Variants in BTC observed in about 807,000 individuals in gnomAD.
BTC encodes probetacellulin.
In BTC, 13 loss-of-function variants were observed where a neutral mutation model predicts 18.1. That is an observed-to-expected ratio of 0.72 (90% confidence interval 0.47 to 1.14). The LOEUF (loss-of-function observed/expected upper bound fraction) is 1.14. BTC is among the 50% of genes most tolerant of loss of function. The probability of loss-of-function intolerance (pLI) is 0.00; values close to 1 mark genes in which losing one functional copy is unlikely to be tolerated. For synonymous variants in BTC, 83 were observed against 79.4 expected (o/e 1.05, Z -0.24); for missense variants, 247 against 224.2 (o/e 1.10, Z -0.65).
chr4:74,765,320 G>A (rs1724872311), intron 2 of BTC, among the ~76,000 whole-genome samples: 1 of 151,978 alleles, frequency 6.6e-6, no homozygotes, highest in African/African-American at 2.4e-5. Flanking sequence ...TTTCAAGCTG[G>A]ATAATTCAGT....
intron 2 of BTC, among the ~76,000 whole-genome samples, chr4:74,756,561 T>A (rs993824628): frequency 2.6e-5 from 4 of 152,164 alleles, no homozygotes; most frequent in African/African-American, 9.7e-5. Flanking sequence ...AAACTGGGAC[T>A]CAAACCCAGG....
chr4:74,778,496 T>C (rs1475729091), intron 1 of BTC, among the ~76,000 whole-genome samples: 3 of 152,136 alleles, frequency 2.0e-5, no homozygotes, highest in Non-Finnish European at 4.4e-5. Context: ...TCATGCAGTG[T>C]GTAGTTCCAA....
intron 3 of BTC, among the ~76,000 whole-genome samples, chr4:74,752,262 G>C (rs1553956251): frequency 6.6e-6 from 1 of 152,094 alleles, no homozygotes; most frequent in Non-Finnish European, 1.5e-5. Flanking sequence ...ATTGCTTCCT[G>C]CAAGATAGCT....
chr4:74,788,823 A>G (rs536600528), intron 1 of BTC, among the ~76,000 whole-genome samples: 27 of 152,326 alleles, frequency 1.8e-4, no homozygotes, highest in African/African-American at 6.5e-4. Context: ...ATTTGGCAAA[A>G]CCAGAGTCAG....
At chr4:74,755,747 G>T (rs1291441542) in intron 3 of BTC, 112 bp downstream of exon 3, 2 of 1,006,270 alleles carry the variant, frequency 2.0e-6, no homozygotes, top group East Asian at 2.4e-5. Flanking sequence ...GGACCAGGCA[G>T]AACTGTGTTC....
chr4:74,770,008 TATC>T (rs770908645), intron 2 of BTC, 47 bp downstream of exon 2: 3 of 1,448,068 alleles, frequency 2.1e-6, no homozygotes, highest in Non-Finnish European at 2.9e-6. Flanking sequence ...GTACTATTAT[TATC>T]AGAAAATTAA....
At chr4:74,762,038 T>C (rs1553957389) in intron 2 of BTC, among the ~76,000 whole-genome samples, 1 of 152,192 alleles carries the variant, frequency 6.6e-6, no homozygotes, top group African/African-American at 2.4e-5. Context: ...GCATAGTAGG[T>C]GCTCATAAAT....
chr4:74,749,709 GTT>G (rs1724404447), intron 4 of BTC, among the ~76,000 whole-genome samples: 1 of 50,748 alleles, frequency 2.0e-5, no homozygotes, highest in African/African-American at 7.5e-5. Context: ...TGTTGTTGTT[GTT>G]TTTGGTAGCA....
intron 1 of BTC, among the ~76,000 whole-genome samples, chr4:74,781,689 CTT>C (rs113465251): frequency 6.6e-6 from 1 of 150,632 alleles, no homozygotes; most frequent in Non-Finnish European, 1.5e-5. Flanking sequence ...CTACCTCTGT[CTT>C]TTTTTTTCAC....
chr4:74,770,915 ATGTGTGTG>A (rs61202126), intron 1 of BTC, among the ~76,000 whole-genome samples: 4,961 of 141,940 alleles, frequency 0.035, 103 homozygotes, highest in South Asian at 0.095. Flanking sequence ...TATATCGTGT[ATGTGTGTG>A]TGTGTGTGTG....
At chr4:74,772,764 G>A (rs1725077337) in intron 1 of BTC, among the ~76,000 whole-genome samples, 1 of 152,012 alleles carries the variant, frequency 6.6e-6, no homozygotes, top group African/African-American at 2.4e-5. Flanking sequence ...TTTAAAAAGA[G>A]CACGTGGCTT....
At chr4:74,770,286 C>T in intron 1 of BTC, 130 bp from the exon 2 acceptor site, 3 of 699,702 alleles carry the variant, frequency 4.3e-6, no homozygotes, top group Non-Finnish European at 7.1e-6. Context: ...CCAAGTCACT[C>T]ACTCCCAGGA....
chr4:74,761,830 A>C (rs560306954), intron 2 of BTC, among the ~76,000 whole-genome samples: 3 of 152,282 alleles, frequency 2.0e-5, no homozygotes, highest in Non-Finnish European at 4.4e-5. Context: ...GCCTTTGCCC[A>C]CTTGACTATC....
chr4:74,789,681 T>G (rs1201170754), intron 1 of BTC, among the ~76,000 whole-genome samples: 1 of 152,198 alleles, frequency 6.6e-6, no homozygotes, highest in African/African-American at 2.4e-5. Context: ...CTTTCCTAAA[T>G]TAATGTATTT....
At chr4:74,768,578 G>T (rs1724959601) in intron 2 of BTC, among the ~76,000 whole-genome samples, 1 of 152,142 alleles carries the variant, frequency 6.6e-6, no homozygotes, top group Non-Finnish European at 1.5e-5. Context: ...GAAGCAGATA[G>T]TAGTATGGTG....
At chr4:74,789,901 T>C (rs1012781946) in intron 1 of BTC, among the ~76,000 whole-genome samples, 2 of 152,228 alleles carry the variant, frequency 1.3e-5, no homozygotes, top group African/African-American at 2.4e-5. Context: ...CTGATATCAA[T>C]GCTAGGCAAG....
chr4:74,758,695 G>T (rs1553957005), intron 2 of BTC, among the ~76,000 whole-genome samples: 2 of 152,186 alleles, frequency 1.3e-5, no homozygotes, highest in Non-Finnish European at 1.5e-5. Context: ...GCTGCTGAAT[G>T]CAGTGATTTG....
At chr4:74,772,922 G>A (rs572588092) in intron 1 of BTC, among the ~76,000 whole-genome samples, 1 of 152,162 alleles carries the variant, frequency 6.6e-6, no homozygotes, top group Non-Finnish European at 1.5e-5. Flanking sequence ...ACAGGCTGGG[G>A]GCTATGGCCC....
chr4:74,771,824 G>C (rs749130260), intron 1 of BTC, among the ~76,000 whole-genome samples: 2 of 152,118 alleles, frequency 1.3e-5, no homozygotes, highest in Non-Finnish European at 2.9e-5. Context: ...CATGGCTAAT[G>C]GTTTTTCCTA....
Sources: allele counts gnomAD v4.1 joint callset (sites outside exome capture counted in the v4.1 genomes callset), GRCh38; gene constraint gnomAD v4.1.1; transcripts MANE v1.5; gene names NCBI Gene and HGNC (gene_info 2026-07-23, HGNC 2026-07-21).